DHX16: variants seen among roughly 807,000 people sequenced by gnomAD.
DHX16 encodes DEAH-box helicase 16, also known as pre-mRNA-splicing factor ATP-dependent RNA helicase DHX16.
Under a neutral mutation model 131.2 loss-of-function variants are expected in DHX16, and 81 were observed. The ratio of observed to expected loss-of-function variants is 0.62; its 90% CI spans 0.52 to 0.74. The LOEUF is 0.74. DHX16 is among the 30% of genes least tolerant of loss of function. The pLI, the probability that DHX16 is intolerant of heterozygous loss-of-function variation, is 0.00. For missense variants in DHX16, 980 were observed against 1,363.1 expected (o/e 0.72, Z 4.43); for synonymous variants, 440 against 520.2 (o/e 0.85, Z 2.10).
rs372826074 is a variant in DHX16, at chr6:30,673,000, G to A, written c.-159C>T. 16 of 1,550,034 alleles carry A rather than the reference G, an allele frequency of 1.0e-5. No homozygotes were observed. Among genetic ancestry groups the A allele is most frequent in the South Asian group, 7.2e-5 (6 of 83,382 alleles). The stretch of plus-strand genomic sequence containing the variant: ...TCCGACATCCCAAAGCTGTCTTCCC[G>A]TACCGCGGAGCCCGGAAGGGGCTGT... On this transcript the variant is annotated 5_prime_UTR_variant, in exon 1 of 20. In the 5' UTR this introduces an upstream ATG that the reference lacks. Coordinates refer to ENST00000376442, the MANE Select transcript of DHX16 (RefSeq NM_003587.5).
intron 19 of DHX16, among the ~76,000 whole-genome samples, chr6:30,654,115 C>CTCA (rs1554159408): frequency 1.4e-5 from 2 of 147,928 alleles, no homozygotes; most frequent in South Asian, 2.2e-4. Context: ...ACGGAACTCT[C>CTCA]AAAAAAAAGA....
chr6:30,656,918 C>G lies in DHX16; in HGVS notation c.2148+34G>C. On this transcript the variant is annotated intron_variant, in intron 13 of 19. Coordinates refer to ENST00000376442, the MANE Select transcript of DHX16 (RefSeq NM_003587.5). This position sits in a 1 kb window ranked among gnomAD's most constrained non-coding sequence, Gnocchi z 5.1. The stretch of plus-strand genomic sequence containing the variant: ...TTGGACCTTCTCTGTGGGCCAACTC[C>G]ACCTCCCCCACTCCCATGCATCCCC... 6.2e-7 allele frequency: 1 copy of G among 1,600,612 alleles called. No homozygotes were observed.
rs760834926 is a variant in DHX16, at chr6:30,672,666, G to A, written c.176C>T (p.Ala59Val). 6.2e-6 allele frequency: 10 copies of A among 1,612,692 alleles called. No homozygotes were observed. In the South Asian group the frequency reaches 6.6e-5, roughly 11 times the overall value. Reference sequence around the variant, plus strand: ...CCAGAGTCTCAGGGCGAAGTCCCGGGCCGGCCCACTGAGATCCAAGGTATC... The same window carrying A: ...CCAGAGTCTCAGGGCGAAGTCCCGGACCGGCCCACTGAGATCCAAGGTATC... The part of the protein sequence containing the change: ...DTDTLDLSGP[A>V]RDFALRLWNK... The change falls in exon 1 of 20, where the codon GCC becomes GTC. Residue 59 changes from alanine to valine, a missense_variant. Physicochemically the swap from Ala to Val is moderately conservative, Grantham distance 64 (BLOSUM62 0). Around this residue, in one of 3 missense-constraint regions of DHX16, gnomAD observed 457 missense variants for 554.8 expected, o/e 0.82. Coordinates refer to ENST00000376442, the MANE Select transcript of DHX16 (RefSeq NM_003587.5).
At position 30,660,322 on chromosome 6, in the gene DHX16, G is replaced by T. The variant is rs138085839; in HGVS notation, c.1545-80C>A. The T allele has an allele frequency of 4.3e-5, 51 of 1,174,250 alleles. No individual in the cohort carries two copies. In the African/African-American group the frequency reaches 7.1e-4, roughly 16 times the overall value. The allele number at this position is 1,174,250 out of a possible 1,614,324, so 72.7% of individuals were successfully genotyped here. A position where few individuals can be genotyped will look rare whatever the true frequency, so the allele number is the denominator to read the frequency against. ...GACACCAGAGTTAACTGGATGAGAG[G>T]GGAGTAATGGACACAAAGAGTTCAA... On this transcript the variant is annotated intron_variant, in intron 9 of 19. Transcript: ENST00000376442.
intron 19 of DHX16, 41 bp downstream of exon 19, chr6:30,654,665 A>C: frequency 6.3e-7 from 1 of 1,575,260 alleles, no homozygotes; most frequent in East Asian, 2.2e-5. Flanking sequence ...CCATCTCTCT[A>C]CATAGTCTCC....
chr6:30,662,549 C>A lies in DHX16; in HGVS notation c.1544+78G>T. ...CATTTGAACCACAAAGATTCAAGAA[C>A]GGGTGGATTAATCAGAAGACAATGG... On this transcript the variant is annotated intron_variant, in intron 9 of 19. Coordinates refer to ENST00000376442, the MANE Select transcript of DHX16 (RefSeq NM_003587.5). The surrounding 1 kb of genome is among the most constrained non-coding windows in gnomAD (Gnocchi z 4.7). The A allele has an allele frequency of 2.4e-6, 3 of 1,233,606 alleles. No homozygotes were observed. Among genetic ancestry groups the A allele is most frequent in the Non-Finnish European group, 3.5e-6 (3 of 846,568 alleles). 76.4% of individuals were successfully genotyped at this position (1,233,606 alleles called of 1,614,324 possible).
At chr6:30,659,008 T>A (rs1331740759) in intron 12 of DHX16, among the ~76,000 whole-genome samples, 1 of 152,074 alleles carries the variant, frequency 6.6e-6, no homozygotes, top group Non-Finnish European at 1.5e-5. Flanking sequence ...TGACTCAGCC[T>A]CCTAAACAGG....
rs114723905 is a variant in DHX16 at position 30,665,451 on chromosome 6, G to A, written c.921+28C>T. ...CCCCACAACTTGTCTTGGGGACCAA[G>A]GCTGAAGCAGACGCCGCTTCACCTC... On this transcript the variant is annotated intron_variant, in intron 5 of 19. Transcript: ENST00000376442. This position sits in a 1 kb window ranked among gnomAD's most constrained non-coding sequence, Gnocchi z 4.8. The A allele has an allele frequency of 7.9e-3, 12,647 of 1,604,294 alleles. 294 individuals carry two copies. Among genetic ancestry groups the A allele is most frequent in the East Asian group, 0.072 (3,233 of 44,720 alleles).
chr6:30,658,410 G>A (rs1329053223), intron 12 of DHX16, among the ~76,000 whole-genome samples: 1 of 152,166 alleles, frequency 6.6e-6, no homozygotes, highest in Non-Finnish European at 1.5e-5. Flanking sequence ...CAGGCGTGGT[G>A]GAGGGCACCT....
At chr6:30,653,527 C>T (rs1023817814) in intron 19 of DHX16, among the ~76,000 whole-genome samples, 157 bp from the exon 20 acceptor site, 2 of 152,120 alleles carry the variant, frequency 1.3e-5, no homozygotes, top group South Asian at 4.1e-4. Flanking sequence ...ACTGCCTCAG[C>T]CTCCCAAGTA....
rs572366765 is a variant in DHX16, at chr6:30,671,310, A to G, written c.208-36T>C. On this transcript the variant is annotated intron_variant, in intron 1 of 19. Transcript: ENST00000376442. ...AGGGGAAGATAAGGAGGTCTGAGCA[A>G]CTCCTGATCTCTGCCCTCCCACTTA... 7.0e-6 allele frequency: 11 copies of G among 1,568,184 alleles called. No homozygotes were observed. In the African/African-American group the frequency reaches 1.2e-4, roughly 17 times the overall value.
In DHX16 at chr6:30,662,317, G is replaced by A. The variant is rs568644039; in HGVS notation, c.1544+310C>T. 3.3e-5 allele frequency among the ~76,000 whole-genome samples: 5 copies of A among 152,312 alleles called. No individual in the cohort carries two copies. Among genetic ancestry groups the A allele is most frequent in the African/African-American group, 1.2e-4 (5 of 41,562 alleles). On this transcript the variant is annotated intron_variant, in intron 9 of 19. Transcript: ENST00000376442. The surrounding 1 kb of genome is among the most constrained non-coding windows in gnomAD (Gnocchi z 4.7). ...GCCTTCACATATTTAGAGGGAACCA[G>A]GATGCTTCCTGTTTCTCCCTCTGAG...
Position 30,662,737 on chromosome 6 carries a change from G to A in DHX16, c.1434C>T (p.Gly478=). 2 of 1,612,760 alleles carry A rather than the reference G, an allele frequency of 1.2e-6. No individual in the cohort carries two copies. The highest frequency in any genetic ancestry group is 1.1e-5 in the South Asian group (1 of 91,064). Residue 478 remains glycine (G), a synonymous_variant, in exon 9 of 20, where the codon GGC becomes GGT. Coordinates refer to ENST00000376442, the MANE Select transcript of DHX16 (RefSeq NM_003587.5). The surrounding 1 kb of genome is among the most constrained non-coding windows in gnomAD (Gnocchi z 4.7). ...TGCAGTCCTCAAAGCGGATGCTGTAGCCAACCTGGTCAAGGGAACCATTAG... is the reference window on the plus strand; with the variant it reads ...TGCAGTCCTCAAAGCGGATGCTGTAACCAACCTGGTCAAGGGAACCATTAG... The part of the protein sequence containing the change: ...EMGVKLGNEV[G]YSIRFEDCTS...
At chr6:30,657,595 T>C (rs1300107669) in intron 12 of DHX16, among the ~76,000 whole-genome samples, 1 of 152,078 alleles carries the variant, frequency 6.6e-6, no homozygotes, top group Non-Finnish European at 1.5e-5. Flanking sequence ...CTACCCCAGC[T>C]GCCTTTCTGA....
At chr6:30,660,372 C>G in intron 9 of DHX16, 130 bp from the exon 10 acceptor site, 3 of 756,468 alleles carry the variant, frequency 4.0e-6, no homozygotes, top group Non-Finnish European at 5.8e-6. Flanking sequence ...GGAGGGGGCT[C>G]TAAGGAGAAG....
intron 7 of DHX16, among the ~76,000 whole-genome samples, chr6:30,663,624 G>A (rs1768725786): frequency 1.3e-5 from 2 of 151,656 alleles, no homozygotes. Context: ...GGGAGGCTGA[G>A]GCAGGAGAGT....
intron 9 of DHX16, 38 bp from the exon 10 acceptor site, chr6:30,660,280 T>C (rs768775595): frequency 1.4e-6 from 2 of 1,477,314 alleles, no homozygotes; most frequent in Non-Finnish European, 1.8e-6. Context: ...GGAAGAGCGC[T>C]AGGCAATGCA....
rs374195919 is a variant in DHX16 at position 30,670,751 on chromosome 6, G to A, written c.609+39C>T. 41 of 1,610,136 alleles carry A rather than the reference G, an allele frequency of 2.5e-5. No homozygotes were observed. The African/African-American group carries it at 3.3e-4, about 13-fold the overall frequency. On this transcript the variant is annotated intron_variant, in intron 3 of 19. Transcript: ENST00000376442. The surrounding 1 kb of genome is among the most constrained non-coding windows in gnomAD (Gnocchi z 4.4). ...ACAGCCAACCTCAGATTTCACCCTG[G>A]GATCTTGGGGATTTACAGAACATGC...
intron 7 of DHX16, 66 bp from the exon 8 acceptor site, chr6:30,663,087 T>C: frequency 1.5e-6 from 2 of 1,295,184 alleles, no homozygotes; most frequent in Non-Finnish European, 2.2e-6. Context: ...ACCAGGTACA[T>C]TTCAGAGAAA....
Sources: allele counts gnomAD v4.1 joint callset (sites outside exome capture counted in the v4.1 genomes callset), GRCh38; gene constraint gnomAD v4.1.1; regional missense constraint gnomAD v4.1.1; non-coding constraint Gnocchi (gnomAD v3.1); transcripts MANE v1.5; gene names NCBI Gene and HGNC (gene_info 2026-07-23, HGNC 2026-07-21).